COL5A2: variants seen among roughly 807,000 people sequenced by gnomAD.
The protein encoded by COL5A2 is collagen type V alpha 2 chain.
COL5A2 carries 23 observed loss-of-function variants against 208.2 expected under a neutral mutation model. The ratio of observed to expected loss-of-function variants is 0.11; its 90% CI spans 0.08 to 0.16. COL5A2 has a LOEUF of 0.16. Ranked by LOEUF, COL5A2 falls within the 10% of genes least tolerant of loss-of-function variation. The pLI is 1.00. For synonymous variants in COL5A2, 625 were observed against 628.5 expected (o/e 0.99, Z 0.08); for missense variants, 1,590 against 1,956.4 (o/e 0.81, Z 3.53).
At chr2:189,299,247 T>G in the COL5A2 span, among the ~76,000 whole-genome samples, 1 of 152,122 alleles carries the variant, frequency 6.6e-6, no homozygotes, top group Non-Finnish European at 1.5e-5. Flanking sequence ...ATATGCATAT[T>G]CAGATATACA....
intron 1 of COL5A2, among the ~76,000 whole-genome samples, chr2:189,191,316 G>T (rs1325915728): frequency 6.6e-6 from 1 of 152,018 alleles, no homozygotes; most frequent in Non-Finnish European, 1.5e-5. Context: ...AGTAAAGGAG[G>T]TAAGAAAAAT....
intron 1 of COL5A2, among the ~76,000 whole-genome samples, chr2:189,200,685 T>A (rs908025890): frequency 2.0e-5 from 3 of 147,184 alleles, no homozygotes; most frequent in African/African-American, 7.6e-5. Context: ...ACACTTTGTA[T>A]TTATGCTCCT....
intron 1 of COL5A2, among the ~76,000 whole-genome samples, chr2:189,177,279 C>T (rs761474748): frequency 3.5e-4 from 53 of 152,220 alleles, no homozygotes; most frequent in Non-Finnish European, 6.6e-4. Context: ...TTTAAAGCAT[C>T]GATCTAAGCT....
chr2:189,309,695 G>C, the COL5A2 span, among the ~76,000 whole-genome samples: 1 of 152,122 alleles, frequency 6.6e-6, no homozygotes, highest in Non-Finnish European at 1.5e-5. Context: ...CCCCTCAGTT[G>C]AATTATGTCT....
chr2:189,329,105 A>C, the COL5A2 span, among the ~76,000 whole-genome samples: 2,650 of 152,312 alleles, frequency 0.017, 34 homozygotes, highest in Non-Finnish European at 0.021. Flanking sequence ...TGAGTAAAGA[A>C]AATGTGGGAT....
intron 26 of COL5A2, among the ~76,000 whole-genome samples, chr2:189,063,618 T>C (rs974021868): frequency 2.0e-5 from 3 of 152,182 alleles, no homozygotes; most frequent in African/African-American, 4.8e-5. Flanking sequence ...TCTTAGAATA[T>C]ATAAGTTGTC....
chr2:189,389,442 T>C, the COL5A2 span, among the ~76,000 whole-genome samples: 5 of 152,154 alleles, frequency 3.3e-5, no homozygotes, highest in African/African-American at 4.8e-5. Flanking sequence ...GAAATCATCA[T>C]AAACAAATGG....
chr2:189,278,478 A>T, the COL5A2 span, among the ~76,000 whole-genome samples: 6 of 152,144 alleles, frequency 3.9e-5, no homozygotes, highest in East Asian at 1.2e-3. Flanking sequence ...TGGAAGAAAC[A>T]GAAAATTAAA....
At chr2:189,306,250 A>ATG in the COL5A2 span, among the ~76,000 whole-genome samples, 1 of 152,146 alleles carries the variant, frequency 6.6e-6, no homozygotes, top group Non-Finnish European at 1.5e-5. Flanking sequence ...GTCCTTAATC[A>ATG]CCCACTGAGG....
chr2:189,328,716 G>C, the COL5A2 span, among the ~76,000 whole-genome samples: 1 of 152,126 alleles, frequency 6.6e-6, no homozygotes, highest in Non-Finnish European at 1.5e-5. Flanking sequence ...AGTCAACTTG[G>C]TCTCAGCCAG....
intron 9 of COL5A2, 57 bp downstream of exon 9, chr2:189,086,667 AAT>A: frequency 1.5e-6 from 2 of 1,324,348 alleles, no homozygotes; most frequent in Non-Finnish European, 2.1e-6. Context: ...GACCTTATGT[AAT>A]ATATGTGTGT....
At chr2:189,212,820 A>G (rs1384673209) in intron 1 of COL5A2, among the ~76,000 whole-genome samples, 1 of 151,160 alleles carries the variant, frequency 6.6e-6, no homozygotes, top group East Asian at 1.9e-4. Flanking sequence ...GGAACTCTCA[A>G]AAAGTAAGCT....
chr2:189,219,687 A>T (rs1689323015), intron 1 of COL5A2, among the ~76,000 whole-genome samples: 1 of 152,126 alleles, frequency 6.6e-6, no homozygotes, highest in African/African-American at 2.4e-5. Context: ...GGAAAAGCAT[A>T]TAGTTTAAAC....
At position 189,179,574 on chromosome 2, in the gene COL5A2, G is replaced by T. The variant is rs1576577162; in HGVS notation, c.31C>A (p.Leu11Ile). The T allele has an allele frequency of 6.2e-7, 1 of 1,609,528 alleles. No homozygotes were observed. Among genetic ancestry groups the T allele is most frequent in the Non-Finnish European group, 8.5e-7 (1 of 1,177,482 alleles). ...CCTAATAAAACAATAAGAATGAGGA[G>T]AGGTCTTGCTTCCGCCCAGTTTGCC... MMANWAEARP[L>I]LILIVLLGQF... Residue 11 changes from leucine (L) to isoleucine (I), a missense_variant, in exon 1 of 54, where the codon CTC becomes ATC. Leu to Ile is a conservative substitution (Grantham distance 5). Transcript: ENST00000374866.
At chr2:189,419,449 G>T in the COL5A2 span, among the ~76,000 whole-genome samples, 1,117 of 152,136 alleles carry the variant, frequency 7.3e-3, 14 homozygotes, top group African/African-American at 0.025. Context: ...CACAACAACT[G>T]CCTGGAAATT....
chr2:189,051,370 G>T lies in COL5A2; in HGVS notation c.2881C>A (p.Pro961Thr). 5 of 1,614,018 alleles carry T rather than the reference G, an allele frequency of 3.1e-6. No homozygotes were observed. Among genetic ancestry groups the T allele is most frequent in the Non-Finnish European group, 4.2e-6 (5 of 1,179,968 alleles). The change falls in exon 42 of 54, where the codon CCC becomes ACC. Residue 961 changes from proline to threonine, a missense_variant. Coordinates refer to ENST00000374866, the MANE Select transcript of COL5A2 (RefSeq NM_000393.5). ...CCTTTGTCTCCTGGGCCACCAGGGG[G>T]GCCAGCTGGTCCTCGATCTCCCACA... The part of the protein sequence containing the change: ...GRVGDRGPAG[P>T]PGGPGDKGDP...
intron 1 of COL5A2, among the ~76,000 whole-genome samples, chr2:189,221,700 C>G (rs1319990395): frequency 6.6e-6 from 1 of 152,036 alleles, no homozygotes; most frequent in Non-Finnish European, 1.5e-5. Flanking sequence ...AGGAGTAGTT[C>G]TTGACCCTTG....
chr2:189,089,801 G>C (rs1161770143), intron 7 of COL5A2, among the ~76,000 whole-genome samples: 1 of 152,048 alleles, frequency 6.6e-6, no homozygotes, highest in Non-Finnish European at 1.5e-5. Flanking sequence ...AGTTGTTTTA[G>C]GTGCCTTGAA....
the COL5A2 span, among the ~76,000 whole-genome samples, chr2:189,413,696 G>GGTAAAAGT: frequency 5.9e-5 from 9 of 151,338 alleles, no homozygotes; most frequent in Admixed American, 5.9e-4. Context: ...CAGATGTCCA[G>GGTAAAAGT]GTAAAAGTAA....
Sources: gnomAD v4.1 joint callset for allele counts (sites outside exome capture counted in the v4.1 genomes callset) on GRCh38, gnomAD v4.1.1 for gene constraint, MANE v1.5 for transcripts, NCBI Gene and HGNC (gene_info 2026-07-23, HGNC 2026-07-21) for gene names.